The following DIXDC1 variants were observed in gnomAD, a reference collection of about 807,000 sequenced individuals.
The protein encoded by DIXDC1 is dixin.
Under a neutral mutation model 103.1 loss-of-function variants are expected in DIXDC1, and 64 were observed. The ratio of observed to expected loss-of-function variants is 0.62; its 90% CI spans 0.51 to 0.76. The LOEUF (loss-of-function observed/expected upper bound fraction) is 0.76. Ranked by LOEUF, DIXDC1 falls within the 30% of genes least tolerant of loss-of-function variation. The probability of loss-of-function intolerance (pLI) is 0.00; values close to 1 mark genes in which losing one functional copy is unlikely to be tolerated. For missense variants in DIXDC1, 759 were observed against 834.2 expected (o/e 0.91, Z 1.11); for synonymous variants, 266 against 298.5 (o/e 0.89, Z 1.12).
At chr11:111,984,660 C>T (rs1200541750) in intron 7 of DIXDC1, among the ~76,000 whole-genome samples, 4 of 152,168 alleles carry the variant, frequency 2.6e-5, no homozygotes, top group South Asian at 2.1e-4. Flanking sequence ...ATTCCACCTA[C>T]GTATATTCTA....
rs1965953222 is a variant in DIXDC1, at chr11:111,929,760, T to A, written c.-36-58T>A. 5 of 1,180,566 alleles carry A rather than the reference T, an allele frequency of 4.2e-6. No individual in the cohort carries two copies. The East Asian group carries it at 1.1e-4, about 25-fold the overall frequency. 73.1% of individuals were successfully genotyped at this position (1,180,566 alleles called of 1,614,324 possible). On this transcript the variant is annotated intron_variant, in intron 1 of 5. Transcript: ENST00000529225. Reference sequence around the variant, plus strand: ...TGGCCCCAACTCGGTTAGTTGAGCTTTAAATTTTTTTTTTCCTGGCTTGTT... The same window carrying A: ...TGGCCCCAACTCGGTTAGTTGAGCTATAAATTTTTTTTTTCCTGGCTTGTT...
chr11:111,975,420 G>T (rs781963346), intron 5 of DIXDC1: 32 of 1,018,992 alleles, frequency 3.1e-5, no homozygotes, highest in Non-Finnish European at 3.8e-5. Flanking sequence ...TTGTCTTAGA[G>T]CATTAGAATG....
chr11:112,004,346 C>A (rs1484737577), intron 17 of DIXDC1, among the ~76,000 whole-genome samples: 1 of 152,096 alleles, frequency 6.6e-6, no homozygotes, highest in African/African-American at 2.4e-5. Context: ...CGGAGCAAAG[C>A]CTTAAGCCAC....
upstream of DIXDC1, among the ~76,000 whole-genome samples, chr11:111,936,915 A>G (rs1555168156): frequency 6.8e-6 from 1 of 147,824 alleles, no homozygotes; most frequent in African/African-American, 2.5e-5. Context: ...CCCGCCTGCA[A>G]GCCTGGTGTG....
chr11:111,965,119 G>A (rs781836015), intron 2 of DIXDC1, among the ~76,000 whole-genome samples: 23 of 152,116 alleles, frequency 1.5e-4, no homozygotes. Context: ...GGCCAGAGAA[G>A]GAAGTAGTAG....
At chr11:111,988,101 C>T (rs918345395) in intron 9 of DIXDC1, among the ~76,000 whole-genome samples, 9 of 152,058 alleles carry the variant, frequency 5.9e-5, no homozygotes, top group African/African-American at 2.2e-4. Flanking sequence ...CAGTCTCAAG[C>T]GATCCTCCCA....
chr11:111,992,489 T>C lies in DIXDC1; in HGVS notation c.1188T>C (p.Asn396=), dbSNP rs782413915. The C allele has an allele frequency of 6.4e-7, 1 of 1,573,956 alleles. No homozygotes were observed. Among genetic ancestry groups the C allele is most frequent in the South Asian group, 1.2e-5 (1 of 85,288 alleles). The change falls in exon 11 of 20, where the codon AAT becomes AAC. Residue 396 remains asparagine, a synonymous_variant. Coordinates refer to ENST00000440460, the MANE Select transcript of DIXDC1 (RefSeq NM_001037954.4). The part of the protein sequence containing the change: ...LQLKQELLRA[N]MDKDELHNQN... ...TCAAACAAGAGCTACTGAGGGCAAATATGGACAAAGATGAGCTGCACAACC... is the reference window on the plus strand; with the variant it reads ...TCAAACAAGAGCTACTGAGGGCAAACATGGACAAAGATGAGCTGCACAACC...
At chr11:112,018,360 C>T (rs1168762064) in intron 19 of DIXDC1, among the ~76,000 whole-genome samples, 1 of 152,192 alleles carries the variant, frequency 6.6e-6, no homozygotes, top group African/African-American at 2.4e-5. Context: ...CTTTATAATC[C>T]ATTTGTCAAA....
upstream of DIXDC1, chr11:111,937,299 C>T: frequency 7.5e-7 from 1 of 1,336,724 alleles, no homozygotes; most frequent in Non-Finnish European, 9.6e-7. Context: ...CGCCGGGCCC[C>T]TCCAGCGGAG....
intron 2 of DIXDC1, among the ~76,000 whole-genome samples, chr11:111,966,605 T>G (rs1324620417): frequency 6.6e-6 from 1 of 151,926 alleles, no homozygotes; most frequent in Non-Finnish European, 1.5e-5. Flanking sequence ...GGGTTTCACC[T>G]TGTTGGCCAG....
intron 19 of DIXDC1, 30 bp from the exon 20 acceptor site, chr11:112,018,926 T>C: frequency 1.3e-6 from 2 of 1,596,902 alleles, no homozygotes; most frequent in Non-Finnish European, 1.7e-6. Context: ...TCCCTGTTTT[T>C]TCACTGTGGC....
chr11:111,995,147 C>T (rs1264260535), intron 15 of DIXDC1, 39 bp downstream of exon 15: 3 of 1,595,332 alleles, frequency 1.9e-6, no homozygotes, highest in Admixed American at 3.4e-5. Flanking sequence ...TGCCACTTCT[C>T]ACTGAAACCA....
chr11:111,939,424 A>G (rs1406921550), intron 1 of DIXDC1, among the ~76,000 whole-genome samples: 3 of 152,122 alleles, frequency 2.0e-5, no homozygotes, highest in African/African-American at 7.2e-5. Context: ...CAGATGCATA[A>G]CTTTTTAATT....
At chr11:112,012,629 T>C (rs1384034088) in intron 17 of DIXDC1, among the ~76,000 whole-genome samples, 2 of 152,234 alleles carry the variant, frequency 1.3e-5, no homozygotes, top group African/African-American at 4.8e-5. Context: ...AAATCATGTA[T>C]TAAATTTGTA....
In DIXDC1 at chr11:111,980,809, T is replaced by G; in HGVS notation, c.729T>G (p.Asp243Glu). Residue 243 changes from aspartate (D) to glutamate (E), a missense_variant, in exon 6 of 20, where the codon GAT becomes GAG. By Grantham distance (45) the Asp-to-Glu change is conservative. Around this residue, in one of 3 missense-constraint regions of DIXDC1, gnomAD observed 657 missense variants for 727.5 expected, o/e 0.90. Transcript: ENST00000440460. Reference protein sequence around the residue: ...SIITQSEEKADFVIIPAEGIE... With the variant: ...SIITQSEEKAEFVIIPAEGIE... ...TAACCCAGTCAGAAGAGAAGGCAGA[T>G]TTTGTGATTATTCCCGCTGAAGGAA... 6.2e-7 allele frequency: 1 copy of G among 1,613,904 alleles called. No individual in the cohort carries two copies. The highest frequency in any genetic ancestry group is 8.5e-7 in the Non-Finnish European group (1 of 1,179,846).
chr11:112,001,946 G>A (rs1566563310), intron 17 of DIXDC1, among the ~76,000 whole-genome samples: 1 of 151,884 alleles, frequency 6.6e-6, no homozygotes, highest in African/African-American at 2.4e-5. Context: ...TGGTAGAGAC[G>A]GGTTTTCACC....
At chr11:111,934,647 A>G (rs1291268839), upstream of DIXDC1, among the ~76,000 whole-genome samples, 1 of 152,206 alleles carries the variant, frequency 6.6e-6, no homozygotes, top group African/African-American at 2.4e-5. Flanking sequence ...GATGGAAGGA[A>G]TACTAAATGT....
chr11:111,930,008 T>G (rs1403251293), intron 2 of DIXDC1: 17 of 1,121,164 alleles, frequency 1.5e-5, no homozygotes, highest in Non-Finnish European at 1.2e-6. Context: ...ACTCAGATCC[T>G]GGAACAGAAT....
upstream of DIXDC1, among the ~76,000 whole-genome samples, chr11:111,935,584 A>C (rs587754473): frequency 6.6e-6 from 1 of 152,328 alleles, no homozygotes; most frequent in African/African-American, 2.4e-5. Context: ...ATCATTATGC[A>C]CGTAGATGTA....
Sources: allele counts gnomAD v4.1 joint callset (sites outside exome capture counted in the v4.1 genomes callset), GRCh38; gene constraint gnomAD v4.1.1; regional missense constraint gnomAD v4.1.1; transcripts MANE v1.5; gene names NCBI Gene and HGNC (gene_info 2026-07-23, HGNC 2026-07-21).